SASH1: variants seen among roughly 807,000 people sequenced by gnomAD.
The protein encoded by SASH1 is SAM and SH3 domain containing 1, also known as SAM and SH3 domain-containing protein 1.
Under a neutral mutation model 125.2 loss-of-function variants are expected in SASH1, and 44 were observed. The observed-to-expected ratio is 0.35, with a 90% CI of 0.28 to 0.45. The LOEUF (loss-of-function observed/expected upper bound fraction) is 0.45. SASH1 is among the 20% of genes least tolerant of loss of function. SASH1 has a pLI of 1.00. For synonymous variants in SASH1, 639 were observed against 649.1 expected, an observed-to-expected ratio of 0.98 and a Z score of 0.24; for missense variants, 1,426 against 1,614.5, an observed-to-expected ratio of 0.88 and a Z score of 2.00.
intron 4 of SASH1, among the ~76,000 whole-genome samples, chr6:148,445,844 G>A (rs1409858753): frequency 2.0e-5 from 3 of 152,128 alleles, no homozygotes; most frequent in Admixed American, 1.3e-4. Context: ...CCAACTACCG[G>A]TTGTAGAAGG....
intron 2 of SASH1, among the ~76,000 whole-genome samples, chr6:148,397,931 T>TAA (rs1294199276): frequency 6.6e-6 from 1 of 152,188 alleles, no homozygotes; most frequent in Non-Finnish European, 1.5e-5. Context: ...AACATACTCT[T>TAA]ACCGTGCTGT....
chr6:148,482,429 A>G (rs1344459695), intron 7 of SASH1, among the ~76,000 whole-genome samples: 2 of 152,210 alleles, frequency 1.3e-5, no homozygotes, highest in Non-Finnish European at 2.9e-5. Context: ...ACAAGACCAT[A>G]TCTGTGTGAA....
chr6:148,295,827 A>C (rs538726592), intron 1 of SASH1, among the ~76,000 whole-genome samples: 1 of 152,330 alleles, frequency 6.6e-6, no homozygotes, highest in South Asian at 2.1e-4. Flanking sequence ...CCAGCACTTC[A>C]CCTGGTGGGT....
At chr6:148,392,070 AG>A in intron 2 of SASH1, among the ~76,000 whole-genome samples, 1 of 152,324 alleles carries the variant, frequency 6.6e-6, no homozygotes, top group Non-Finnish European at 1.5e-5. Context: ...AGATCACTTG[AG>A]GTCGGGAGTT....
At chr6:148,518,543 C>T (rs1317151507) in intron 9 of SASH1, among the ~76,000 whole-genome samples, 2 of 152,156 alleles carry the variant, frequency 1.3e-5, no homozygotes, top group African/African-American at 2.4e-5. Flanking sequence ...CACACTGGCG[C>T]CCTCGTCCCA....
chr6:148,203,148 AAGTATGCTTC>A, the SASH1 span, among the ~76,000 whole-genome samples: 1 of 152,182 alleles, frequency 6.6e-6, no homozygotes, highest in Non-Finnish European at 1.5e-5. Context: ...AAAGAGCTGG[AAGTATGCTTC>A]AGAAGAATCT....
chr6:148,387,905 ATTTTTTTTTTTTTTT>A (rs71004291), intron 1 of SASH1, among the ~76,000 whole-genome samples: 1 of 53,964 alleles, frequency 1.9e-5, no homozygotes, highest in Non-Finnish European at 3.2e-5. Flanking sequence ...CGCCCTGCTA[ATTTTTTTTTTTTTTT>A]TTTTTTTTTT....
At chr6:148,496,490 C>A (rs950714443) in intron 8 of SASH1, among the ~76,000 whole-genome samples, 2 of 152,088 alleles carry the variant, frequency 1.3e-5, no homozygotes, top group Non-Finnish European at 2.9e-5. Context: ...GCATTTATGC[C>A]CTGTATCCTT....
intron 8 of SASH1, among the ~76,000 whole-genome samples, chr6:148,512,086 C>T (rs557858157): frequency 2.2e-4 from 33 of 151,746 alleles, no homozygotes; most frequent in African/African-American, 7.5e-4. Context: ...TGGCACGATC[C>T]CGGCTCCCTG....
At chr6:148,254,116 A>G in the SASH1 span, among the ~76,000 whole-genome samples, 1 of 152,100 alleles carries the variant, frequency 6.6e-6, no homozygotes, top group African/African-American at 2.4e-5. Context: ...CTGAGGCACA[A>G]GAATCGCTTG....
chr6:148,433,100 C>T (rs1776131275), intron 2 of SASH1, among the ~76,000 whole-genome samples: 1 of 152,126 alleles, frequency 6.6e-6, no homozygotes. Context: ...ATTTTTTTAG[C>T]TTCTGTATTA....
intron 17 of SASH1, among the ~76,000 whole-genome samples, chr6:148,541,985 A>G (rs188200309): frequency 9.3e-4 from 141 of 152,316 alleles, no homozygotes; most frequent in Non-Finnish European, 1.5e-3. Context: ...TATGTAGCTC[A>G]TGTAGGTTCT....
the SASH1 span, among the ~76,000 whole-genome samples, chr6:148,264,429 G>C: frequency 6.6e-6 from 1 of 152,198 alleles, no homozygotes; most frequent in Non-Finnish European, 1.5e-5. Flanking sequence ...GTATCTTCCA[G>C]TCCTTTCTCT....
Position 148,541,250 on chromosome 6 carries a change from T to C in SASH1, c.2209+694T>C, listed in dbSNP as rs578034754. On this transcript the variant is annotated intron_variant, in intron 17 of 19. Transcript: ENST00000367467. ...AAGGCCGTCATAAAAAATGCCCAGGTTTGATAGCTTTTAGCAGCCATTGGA... is the reference window on the plus strand; with the variant it reads ...AAGGCCGTCATAAAAAATGCCCAGGCTTGATAGCTTTTAGCAGCCATTGGA... Among the ~76,000 whole-genome samples, 3 of 151,192 alleles carry C rather than the reference T, an allele frequency of 2.0e-5. No individual in the cohort carries two copies. In the South Asian group the frequency reaches 6.3e-4, roughly 32 times the overall value.
chr6:148,245,946 G>C, the SASH1 span, among the ~76,000 whole-genome samples: 1 of 150,754 alleles, frequency 6.6e-6, no homozygotes, highest in South Asian at 2.1e-4. Flanking sequence ...TCGCACCACT[G>C]TACTCCAGCC....
intron 1 of SASH1, among the ~76,000 whole-genome samples, chr6:148,388,752 C>T (rs1375610280): frequency 6.6e-6 from 1 of 152,228 alleles, no homozygotes; most frequent in Non-Finnish European, 1.5e-5. Context: ...AACTCCCAAG[C>T]CCTGCTTGCA....
chr6:148,426,198 G>A (rs1285710766), intron 2 of SASH1, among the ~76,000 whole-genome samples: 1 of 151,862 alleles, frequency 6.6e-6, no homozygotes, highest in Non-Finnish European at 1.5e-5. Context: ...GGCAACAACA[G>A]TGAAACTCCA....
At chr6:148,290,016 C>A (rs1359772853) in intron 1 of SASH1, among the ~76,000 whole-genome samples, 1 of 151,432 alleles carries the variant, frequency 6.6e-6, no homozygotes, top group African/African-American at 2.4e-5. Flanking sequence ...TACAGGTATG[C>A]ACCACCATGT....
chr6:148,544,707 G>T lies in SASH1; in HGVS notation c.3237G>T (p.Pro1079=), dbSNP rs760674316. 2.5e-6 allele frequency: 4 copies of T among 1,611,246 alleles called. No homozygotes were observed. The highest frequency in any genetic ancestry group is 2.7e-5 in the African/African-American group (2 of 74,816). ...AGGAGCACGGTGTGAAGCTGGGCCC[G>T]GCTTTGACCAGGAAGGTCTCCTGTG... ...SLQEHGVKLG[P]ALTRKVSCAR... is the part of the protein sequence containing the mutation. Residue 1079 remains proline, a synonymous_variant, in exon 18 of 20, where the codon CCG becomes CCT. Coordinates refer to ENST00000367467, the MANE Select transcript of SASH1 (RefSeq NM_015278.5). This position sits in a 1 kb window ranked among gnomAD's most constrained non-coding sequence, Gnocchi z 6.4.
Sources: gnomAD v4.1 joint callset for allele counts (sites outside exome capture counted in the v4.1 genomes callset) on GRCh38, gnomAD v4.1.1 for gene constraint, Gnocchi (gnomAD v3.1) non-coding constraint, MANE v1.5 for transcripts, NCBI Gene and HGNC (gene_info 2026-07-23, HGNC 2026-07-21) for gene names.